GABRB3: variants seen among roughly 807,000 people sequenced by gnomAD.
The protein encoded by GABRB3 is gamma-aminobutyric acid receptor subunit beta-3.
In GABRB3, 14 loss-of-function variants were observed where a neutral mutation model predicts 52.1. That is an observed-to-expected ratio of 0.27 (90% CI 0.18 to 0.42). GABRB3 has a LOEUF of 0.42. Ranked by LOEUF, GABRB3 falls within the 10% of genes least tolerant of loss-of-function variation. The probability of loss-of-function intolerance (pLI) is 1.00; values close to 1 mark genes in which losing one functional copy is unlikely to be tolerated. For missense variants in GABRB3, 307 were observed against 609.1 expected, an observed-to-expected ratio of 0.50 and a Z score of 5.22; for synonymous variants, 260 against 232.3, an observed-to-expected ratio of 1.12 and a Z score of -1.08.
rs74004619 is a variant in GABRB3 at position 26,624,527 on chromosome 15, C to T, written c.241-2993G>A. 3.9e-3 allele frequency: 3,862 copies of T among 985,408 alleles called. 115 individuals carry two copies. The African/African-American group carries it at 0.06, about 15-fold the overall frequency. The allele number at this position is 985,408 out of a possible 1,614,324, so 61.0% of individuals were successfully genotyped here. ...ACTCACAGCCTGACAGCTCGGGCTC[C>T]GCGTCTTATTTTGGACTGTGTCGCT... On this transcript the variant is annotated intron_variant, in intron 3 of 8. Coordinates refer to ENST00000311550, the MANE Select transcript of GABRB3 (RefSeq NM_000814.6).
intron 6 of GABRB3, among the ~76,000 whole-genome samples, chr15:26,576,340 A>C (rs1212199223): frequency 2.0e-5 from 3 of 152,212 alleles, no homozygotes; most frequent in African/African-American, 7.2e-5. Flanking sequence ...TTTCAGAAAA[A>C]TACAGAATTT....
chr15:26,751,351 T>C (rs1008850201), intron 3 of GABRB3, among the ~76,000 whole-genome samples: 10 of 152,202 alleles, frequency 6.6e-5, no homozygotes, highest in Admixed American at 1.3e-4. Flanking sequence ...TGCTCAGGAA[T>C]GTGTCCAGAA....
chr15:26,716,633 G>C, intron 3 of GABRB3: 1 of 1,002,428 alleles, frequency 1.0e-6, no homozygotes, highest in South Asian at 4.2e-5. Context: ...GAGGCCTCTT[G>C]TGGGTTCTCA....
chr15:26,604,398 C>T (rs1220704043), intron 4 of GABRB3, among the ~76,000 whole-genome samples: 1 of 151,996 alleles, frequency 6.6e-6, no homozygotes, highest in East Asian at 1.9e-4. Flanking sequence ...ACATTCTTCA[C>T]AGAAATAGAA....
intron 3 of GABRB3, among the ~76,000 whole-genome samples, chr15:26,771,356 A>T (rs750954727): frequency 2.0e-5 from 3 of 152,162 alleles, no homozygotes; most frequent in African/African-American, 7.2e-5. Flanking sequence ...GCACGCATTT[A>T]AAGCAAGTTT....
chr15:26,650,339 AG>A (rs1887157424), intron 3 of GABRB3, among the ~76,000 whole-genome samples: 1 of 152,250 alleles, frequency 6.6e-6, no homozygotes, highest in Non-Finnish European at 1.5e-5. Flanking sequence ...CCATCTGAAC[AG>A]TGAAGGACTC....
intron 3 of GABRB3, among the ~76,000 whole-genome samples, chr15:26,691,816 A>G (rs115722582): frequency 0.024 from 3,660 of 152,282 alleles, 139 homozygotes; most frequent in African/African-American, 0.083. Context: ...TAGTAACTCA[A>G]TAATCTGCCC....
intron 3 of GABRB3, among the ~76,000 whole-genome samples, chr15:26,645,205 C>A (rs1187686288): frequency 2.0e-5 from 3 of 152,106 alleles, no homozygotes; most frequent in Non-Finnish European, 2.9e-5. Context: ...TTGCACGACG[C>A]ACTACAGCCT....
intron 3 of GABRB3, among the ~76,000 whole-genome samples, chr15:26,743,859 A>G (rs574939187): frequency 6.6e-6 from 1 of 152,314 alleles, no homozygotes; most frequent in South Asian, 2.1e-4. Flanking sequence ...AAATATCAAC[A>G]GCAATTTGTA....
chr15:26,772,267 G>C, intron 3 of GABRB3, 135 bp downstream of exon 3: 1 of 723,232 alleles, frequency 1.4e-6, no homozygotes, highest in Non-Finnish European at 2.2e-6. Context: ...CCGGCGCCTG[G>C]GAGCGCGGCT....
At chr15:26,772,562 G>T (rs934354090) in intron 2 of GABRB3, 93 bp from the exon 3 acceptor site, 3 of 1,460,282 alleles carry the variant, frequency 2.1e-6, no homozygotes, top group East Asian at 2.6e-5. Context: ...AGGGGCGCGG[G>T]CGAAGGGCCC....
intron 4 of GABRB3, chr15:26,613,809 T>C (rs891916242): frequency 2.0e-5 from 3 of 152,066 alleles, no homozygotes; most frequent in Admixed American, 1.3e-4. Context: ...AGAAAGGTAA[T>C]GTAATAGAAA....
At chr15:26,709,256 C>T (rs182160392) in intron 3 of GABRB3, among the ~76,000 whole-genome samples, 334 of 152,238 alleles carry the variant, frequency 2.2e-3, no homozygotes, top group African/African-American at 7.7e-3. Context: ...GGGTGGAGAC[C>T]TCATGAATGG....
At chr15:26,554,101 T>TATGTGTATATATAAA (rs56830417) in intron 8 of GABRB3, among the ~76,000 whole-genome samples, 33,788 of 65,944 alleles carry the variant, frequency 0.51, 11,082 homozygotes, top group Non-Finnish European at 0.57. Flanking sequence ...ATGTATAAAG[T>TATGTGTATATATAAA]GTGTGTATAT....
At chr15:26,719,095 C>T (rs1889577059) in intron 3 of GABRB3, among the ~76,000 whole-genome samples, 1 of 152,260 alleles carries the variant, frequency 6.6e-6, no homozygotes, top group Non-Finnish European at 1.5e-5. Flanking sequence ...GACCTCTGGG[C>T]AGGCACATGC....
chr15:26,682,962 G>A (rs1888284884), intron 3 of GABRB3, among the ~76,000 whole-genome samples: 1 of 152,326 alleles, frequency 6.6e-6, no homozygotes. Context: ...GGCCTGAATG[G>A]CTGTTGGCCA....
intron 3 of GABRB3, among the ~76,000 whole-genome samples, chr15:26,623,030 C>T (rs1018595391): frequency 2.0e-5 from 3 of 152,130 alleles, no homozygotes; most frequent in African/African-American, 7.2e-5. Context: ...GTGGGCACAG[C>T]TCTGTGCCTA....
intron 5 of GABRB3, 85 bp downstream of exon 5, chr15:26,583,247 A>T (rs1193515651): frequency 2.7e-6 from 3 of 1,091,334 alleles, no homozygotes; most frequent in South Asian, 2.5e-5. Flanking sequence ...AAAATTATGG[A>T]TGCCTTGAAA....
intron 3 of GABRB3, among the ~76,000 whole-genome samples, chr15:26,726,152 T>G (rs757284497): frequency 2.0e-5 from 3 of 152,206 alleles, no homozygotes; most frequent in Non-Finnish European, 4.4e-5. Context: ...ATTGTGTGCC[T>G]GCATTTTGAC....
Sources: gnomAD v4.1 joint callset for allele counts (sites outside exome capture counted in the v4.1 genomes callset) on GRCh38, gnomAD v4.1.1 for gene constraint, MANE v1.5 for transcripts, NCBI Gene and HGNC (gene_info 2026-07-23, HGNC 2026-07-21) for gene names.